The following THSD7A variants were observed in gnomAD, a reference collection of about 807,000 sequenced individuals.
THSD7A encodes the protein thrombospondin type-1 domain-containing protein 7A.
In THSD7A, 96 loss-of-function variants were observed where a neutral mutation model predicts 231.3. The ratio of observed to expected loss-of-function variants is 0.41; its 90% confidence interval spans 0.35 to 0.49. THSD7A has a LOEUF of 0.49. THSD7A is among the 20% of genes least tolerant of loss of function. THSD7A has a pLI of 0.05. For missense variants in THSD7A, 2,290 were observed against 2,070.2 expected (o/e 1.11, Z -2.06); for synonymous variants, 940 against 743.3 (o/e 1.26, Z -4.30).
intron 1 of THSD7A, chr7:11,820,558 TA>T: frequency 1.4e-6 from 1 of 714,202 alleles, no homozygotes; most frequent in Non-Finnish European, 2.4e-6. Flanking sequence ...AAATCATTGT[TA>T]CTCTTGTTAT....
intron 1 of THSD7A, among the ~76,000 whole-genome samples, chr7:11,729,413 A>T (rs2883587): frequency 0.83 from 126,340 of 151,612 alleles, 53,224 homozygotes; most frequent in African/African-American, 0.95. Context: ...AATAACATTC[A>T]CTCATTGTAT....
At chr7:11,489,912 T>C (rs1786817866) in intron 6 of THSD7A, among the ~76,000 whole-genome samples, 1 of 152,040 alleles carries the variant, frequency 6.6e-6, no homozygotes, top group Admixed American at 6.6e-5. Flanking sequence ...TATATTTACC[T>C]ATTGATTTTT....
chr7:11,659,817 C>T (rs1782858577), intron 1 of THSD7A, among the ~76,000 whole-genome samples: 2 of 151,580 alleles, frequency 1.3e-5, no homozygotes, highest in African/African-American at 2.4e-5. Flanking sequence ...GAGCACACTA[C>T]CTTAATTCAA....
chr7:11,534,176 T>C (rs1339701411), intron 6 of THSD7A, among the ~76,000 whole-genome samples: 1 of 152,152 alleles, frequency 6.6e-6, no homozygotes, highest in African/African-American at 2.4e-5. Flanking sequence ...ATATTTTGCA[T>C]GTGAGAGGAT....
At position 11,484,874 on chromosome 7, in the gene THSD7A, ATTTTTTTTTTT is replaced by A. The variant is rs56353626; in HGVS notation, c.1823-2903_1823-2893del. 6.7e-4 allele frequency among the ~76,000 whole-genome samples: 36 copies of A among 53,818 alleles called. 1 individual carries two copies. The highest frequency in any genetic ancestry group is 3.5e-3 in the Admixed American group (9 of 2,590). The allele number at this position is 53,818 out of a possible 152,430, so 35.3% of individuals were successfully genotyped here. On this transcript the variant is annotated intron_variant, in intron 6 of 27. Coordinates refer to ENST00000423059, the MANE Select transcript of THSD7A (RefSeq NM_015204.3). ...CTCAACCCACTGAATCACAACCTTAATTTTTTTTTTTTTTTTTTTTTTTTTTTTTTTGTGGA... is the reference window on the plus strand; with the variant it reads ...CTCAACCCACTGAATCACAACCTTAATTTTTTTTTTTTTTTTTTTTGTGGA...
intron 7 of THSD7A, among the ~76,000 whole-genome samples, chr7:11,476,141 T>C (rs925908671): frequency 6.6e-6 from 1 of 152,088 alleles, no homozygotes; most frequent in African/African-American, 2.4e-5. Context: ...CAACTATTTA[T>C]ATTAAAAATA....
chr7:11,531,654 G>C (rs1788715214), intron 6 of THSD7A, among the ~76,000 whole-genome samples: 1 of 152,122 alleles, frequency 6.6e-6, no homozygotes, highest in African/African-American at 2.4e-5. Context: ...TCCATCAGCA[G>C]GATTGAGGAT....
chr7:11,729,853 T>C (rs1302021457), intron 1 of THSD7A, among the ~76,000 whole-genome samples: 1 of 151,764 alleles, frequency 6.6e-6, no homozygotes, highest in African/African-American at 2.4e-5. Context: ...GAAACAAAAT[T>C]TTTTCACTTG....
chr7:11,490,904 T>A (rs963046425), intron 6 of THSD7A, among the ~76,000 whole-genome samples: 3 of 152,008 alleles, frequency 2.0e-5, no homozygotes, highest in Non-Finnish European at 4.4e-5. Context: ...CTGAGAAAAA[T>A]TTTTATTGGC....
intron 1 of THSD7A, among the ~76,000 whole-genome samples, chr7:11,713,063 G>A (rs1781018725): frequency 6.6e-6 from 1 of 151,082 alleles, no homozygotes; most frequent in South Asian, 2.1e-4. Context: ...TGATTGAGTG[G>A]ACAGATAATT....
intron 1 of THSD7A, among the ~76,000 whole-genome samples, chr7:11,648,309 G>A (rs1782359864): frequency 6.6e-6 from 1 of 151,952 alleles, no homozygotes; most frequent in African/African-American, 2.4e-5. Context: ...AGCCTATTAA[G>A]CCTGAAGTTT....
intron 1 of THSD7A, among the ~76,000 whole-genome samples, chr7:11,655,600 A>G (rs374687899): frequency 2.6e-5 from 4 of 151,930 alleles, no homozygotes; most frequent in Admixed American, 6.6e-5. Context: ...CAATAATGTC[A>G]TAGAACAATT....
intron 9 of THSD7A, among the ~76,000 whole-genome samples, chr7:11,468,293 C>T: frequency 6.6e-6 from 1 of 151,030 alleles, no homozygotes; most frequent in South Asian, 2.1e-4. Flanking sequence ...TAATTAATAA[C>T]CAACAATTAC....
At chr7:11,729,642 G>A (rs1781660845) in intron 1 of THSD7A, among the ~76,000 whole-genome samples, 1 of 151,672 alleles carries the variant, frequency 6.6e-6, no homozygotes, top group Admixed American at 6.6e-5. Context: ...CTTAAAAGAA[G>A]CAGATTTAAA....
At chr7:11,647,436 T>A (rs1253352289) in intron 1 of THSD7A, among the ~76,000 whole-genome samples, 1 of 152,016 alleles carries the variant, frequency 6.6e-6, no homozygotes, top group Non-Finnish European at 1.5e-5. Context: ...CTGGAAAACA[T>A]TTCTCCAATC....
At chr7:11,447,565 G>T in intron 11 of THSD7A, 141 bp from the exon 12 acceptor site, 1 of 642,466 alleles carries the variant, frequency 1.6e-6, no homozygotes, top group South Asian at 2.7e-5. Flanking sequence ...TTATAGGAGT[G>T]TTTCTAATAA....
At chr7:11,432,244 A>C (rs1230331542) in intron 13 of THSD7A, among the ~76,000 whole-genome samples, 1 of 151,900 alleles carries the variant, frequency 6.6e-6, no homozygotes, top group African/African-American at 2.4e-5. Context: ...GTCTTAAGTT[A>C]GGAAGTGCTA....
intron 4 of THSD7A, among the ~76,000 whole-genome samples, chr7:11,583,697 G>C (rs983559755): frequency 3.3e-5 from 5 of 152,044 alleles, no homozygotes; most frequent in African/African-American, 1.2e-4. Flanking sequence ...AATTTTGGAT[G>C]GTGCAGTTTA....
At chr7:11,524,758 C>G (rs10260419) in intron 6 of THSD7A, among the ~76,000 whole-genome samples, 39,278 of 152,130 alleles carry the variant, frequency 0.26, 6,306 homozygotes, top group African/African-American at 0.46. Flanking sequence ...TTCTGCCATT[C>G]TCTTCTCTGA....
Sources: gnomAD v4.1 joint callset for allele counts (sites outside exome capture counted in the v4.1 genomes callset) on GRCh38, gnomAD v4.1.1 for gene constraint, MANE v1.5 for transcripts, NCBI Gene and HGNC (gene_info 2026-07-23, HGNC 2026-07-21) for gene names.